Variants in VPS41 observed in about 807,000 individuals in gnomAD.
VPS41 encodes the protein vacuolar protein sorting-associated protein 41 homolog.
A neutral mutation model predicts 130.9 loss-of-function variants in VPS41; 85 were observed. That is an observed-to-expected ratio of 0.65 (90% CI 0.55 to 0.78). The LOEUF (loss-of-function observed/expected upper bound fraction) is 0.78. Among genes scored for constraint, VPS41 ranks in the 30% least tolerant of loss-of-function variants. The pLI is 0.00. For missense variants in VPS41, 874 were observed against 1,018.7 expected, an observed-to-expected ratio of 0.86 and a Z score of 1.93; for synonymous variants, 335 against 332.9, an observed-to-expected ratio of 1.01 and a Z score of -0.07.
rs1786297863 is a variant in VPS41 at position 38,869,384 on chromosome 7, G to A, written c.61-131C>T. On this transcript the variant is annotated intron_variant, in intron 2 of 28. Transcript: ENST00000310301. The stretch of plus-strand genomic sequence containing the variant: ...GTTAATAATTCCAACTACAGCTAAA[G>A]GTTAAAATCTTCATATTTCATCTTG... 5.0e-6 allele frequency: 3 copies of A among 604,254 alleles called. No individual in the cohort carries two copies. The East Asian group carries it at 8.0e-5, about 16-fold the overall frequency. 37.4% of individuals were successfully genotyped at this position (604,254 alleles called of 1,614,324 possible). A position where few individuals can be genotyped will look rare whatever the true frequency, so the allele number is the denominator to read the frequency against.
chr7:38,725,192 T>A lies in VPS41; in HGVS notation c.*1054A>T, dbSNP rs1360354733. 1 of 152,214 alleles carries A rather than the reference T, an allele frequency of 6.6e-6. No homozygotes were observed. Among genetic ancestry groups the A allele is most frequent in the Admixed American group, 6.5e-5 (1 of 15,290 alleles). 9.4% of individuals were successfully genotyped at this position (152,214 alleles called of 1,614,324 possible). ...ACTAAGAGATCAGGAACAATAAGGA[T>A]GTGTTTTGCGCACTTTTACACTCAT... On this transcript the variant is annotated 3_prime_UTR_variant, in exon 29 of 29. Transcript: ENST00000310301.
chr7:38,734,933 T>G (rs1263278236), intron 25 of VPS41, among the ~76,000 whole-genome samples: 1 of 152,188 alleles, frequency 6.6e-6, no homozygotes, highest in Non-Finnish European at 1.5e-5. Context: ...GAATTCTTCT[T>G]GAAAAAGCTT....
chr7:38,820,146 G>A lies in VPS41; in HGVS notation c.384+1057C>T, dbSNP rs559158810. Among the ~76,000 whole-genome samples, 28 of 152,234 alleles carry A rather than the reference G, an allele frequency of 1.8e-4. No individual in the cohort carries two copies. In the South Asian group the frequency reaches 5.4e-3, roughly 29 times the overall value. ...CTCATCCAAGCCATCACTAAGGCTC[G>A]CTAAGTCTATTTAGCACAGGCTGTC... On this transcript the variant is annotated intron_variant, in intron 6 of 28. Coordinates refer to ENST00000310301, the MANE Select transcript of VPS41 (RefSeq NM_014396.4).
In VPS41 at chr7:38,724,362, G is replaced by A. The variant is rs564502525; in HGVS notation, c.*1884C>T. 6.6e-6 allele frequency: 1 copy of A among 152,282 alleles called. No individual in the cohort carries two copies. The highest frequency in any genetic ancestry group is 1.5e-5 in the Non-Finnish European group (1 of 68,030). The allele number at this position is 152,282 out of a possible 1,614,324, so 9.4% of individuals were successfully genotyped here. A position where few individuals can be genotyped will look rare whatever the true frequency, so the allele number is the denominator to read the frequency against. On this transcript the variant is annotated 3_prime_UTR_variant, in exon 29 of 29. Transcript: ENST00000310301. ...GTAATGTTGAAAAGAAAAAACAATT[G>A]GGTAAGAACAAAACTGAAAACTAGC...
chr7:38,796,831 A>T lies in VPS41; in HGVS notation c.484T>A (p.Trp162Arg). 1 of 1,613,992 alleles carries T rather than the reference A, an allele frequency of 6.2e-7. No homozygotes were observed. Among genetic ancestry groups the T allele is most frequent in the Non-Finnish European group, 8.5e-7 (1 of 1,179,866 alleles). ...CCTTCATGCAGAACAGCAGACTTCC[A>T]TCTGTTCATCCAAGACCGTTCAAAC... ...LLFERSWMNR[W>R]KSAVLHEGEG... is the part of the protein sequence containing the mutation. Residue 162 changes from tryptophan to arginine, a missense_variant, in exon 8 of 29, where the codon TGG becomes AGG. Transcript: ENST00000310301.
chr7:38,775,913 T>C (rs929208062), intron 11 of VPS41, among the ~76,000 whole-genome samples: 2 of 152,146 alleles, frequency 1.3e-5, no homozygotes, highest in East Asian at 1.9e-4. Flanking sequence ...TTCTTCTATA[T>C]ACAGCATCCA....
At chr7:38,757,006 T>A in intron 18 of VPS41, 24 bp from the exon 19 acceptor site, 1 of 1,546,574 alleles carries the variant, frequency 6.5e-7, no homozygotes, top group Non-Finnish European at 8.9e-7. Flanking sequence ...TTTTTTACAT[T>A]AATATTCATC....
At chr7:38,741,677 G>A (rs934147941) in intron 25 of VPS41, among the ~76,000 whole-genome samples, 23 of 152,040 alleles carry the variant, frequency 1.5e-4, no homozygotes, top group African/African-American at 2.9e-4. Flanking sequence ...TTTCATACTC[G>A]CCTCGATTCC....
At chr7:38,842,857 T>C (rs557046197) in intron 4 of VPS41, among the ~76,000 whole-genome samples, 3 of 152,298 alleles carry the variant, frequency 2.0e-5, no homozygotes, top group African/African-American at 7.2e-5. Context: ...GCATTCCTGT[T>C]TCAGAACAAT....
intron 22 of VPS41, among the ~76,000 whole-genome samples, chr7:38,751,942 C>A (rs1783683222): frequency 1.3e-5 from 2 of 152,212 alleles, no homozygotes; most frequent in Admixed American, 6.5e-5. Context: ...TTAAGCTGTT[C>A]TTCCAATTAA....
rs371899986 is a variant in VPS41, at chr7:38,723,661, T to G, written c.*2585A>C. 7.4e-6 allele frequency: 1 copy of G among 135,588 alleles called. No individual in the cohort carries two copies. The highest frequency in any genetic ancestry group is 2.9e-5 in the African/African-American group (1 of 34,608). 8.4% of individuals were successfully genotyped at this position (135,588 alleles called of 1,614,324 possible). ...ATCACTTGAACCTGGGAGGCGGAGG[T>G]TGCAGTGAGCCAAGATCATGTCACT... On this transcript the variant is annotated 3_prime_UTR_variant, in exon 29 of 29. Coordinates refer to ENST00000310301, the MANE Select transcript of VPS41 (RefSeq NM_014396.4).
At chr7:38,745,282 C>T (rs984867287) in intron 23 of VPS41, among the ~76,000 whole-genome samples, 2 of 152,136 alleles carry the variant, frequency 1.3e-5, no homozygotes, top group Non-Finnish European at 2.9e-5. Flanking sequence ...AAAAACTTGT[C>T]AACTCATCTA....
intron 11 of VPS41, among the ~76,000 whole-genome samples, chr7:38,774,775 C>G (rs1784226369): frequency 6.6e-6 from 1 of 152,118 alleles, no homozygotes; most frequent in Admixed American, 6.6e-5. Flanking sequence ...CCTGTGAACT[C>G]CCTAAGAGCA....
At chr7:38,821,128 T>C (rs973211806) in intron 6 of VPS41, 75 bp downstream of exon 6, 2 of 1,067,286 alleles carry the variant, frequency 1.9e-6, no homozygotes, top group Non-Finnish European at 1.4e-6. Context: ...GAAGTGGTAA[T>C]GTTCAAATTA....
At position 38,776,642 on chromosome 7, in the gene VPS41, C is replaced by T. The variant is rs377503778; in HGVS notation, c.882+37G>A. On this transcript the variant is annotated intron_variant, in intron 11 of 28. Transcript: ENST00000310301. ...TCTGGGTGTAATGCTAAAAGTGAAC[C>T]CCCACATGCCTTTGTATCTGGGGAG... 5 of 1,184,210 alleles carry T rather than the reference C, an allele frequency of 4.2e-6. No homozygotes were observed. The African/African-American group carries it at 6.0e-5, about 14-fold the overall frequency. The allele number at this position is 1,184,210 out of a possible 1,614,324, so 73.4% of individuals were successfully genotyped here. A position where few individuals can be genotyped will look rare whatever the true frequency, so the allele number is the denominator to read the frequency against.
In VPS41 at chr7:38,820,405, A is replaced by C. The variant is rs888955169; in HGVS notation, c.384+798T>G. ...AATGTTTGAATAAACAGGTGAAAAA[A>C]ATAAATGACCTCTTCCTTCAACAAC... On this transcript the variant is annotated intron_variant, in intron 6 of 28. Transcript: ENST00000310301. 3.3e-5 allele frequency among the ~76,000 whole-genome samples: 5 copies of C among 152,212 alleles called. No individual in the cohort carries two copies. In the South Asian group the frequency reaches 1.0e-3, roughly 32 times the overall value.
chr7:38,765,499 G>T, intron 16 of VPS41, 81 bp downstream of exon 16: 3 of 926,674 alleles, frequency 3.2e-6, no homozygotes, highest in South Asian at 3.3e-5. Context: ...AAAAAGAGCT[G>T]AGTACTATTA....
chr7:38,789,858 C>A lies in VPS41; in HGVS notation c.727G>T (p.Val243Leu). 6.2e-7 allele frequency: 1 copy of A among 1,613,762 alleles called. No homozygotes were observed. Among genetic ancestry groups the A allele is most frequent in the Non-Finnish European group, 8.5e-7 (1 of 1,179,724 alleles). The part of the protein sequence containing the change: ...GWGTSVKVCS[V>L]KERHASEMRD... ...ATTTCACTGGCATGCCGTTCCTTCA[C>A]TGAGCACACCTGGAAAATAAGTTCG... Residue 243 changes from valine (V) to leucine (L), a missense_variant, in exon 10 of 29, where the codon GTG (valine) becomes TTG (leucine). Val to Leu is a conservative substitution (Grantham distance 32). Transcript: ENST00000310301.
chr7:38,798,276 C>T (rs534451446), intron 7 of VPS41, among the ~76,000 whole-genome samples: 1 of 152,046 alleles, frequency 6.6e-6, no homozygotes, highest in Non-Finnish European at 1.5e-5. Context: ...TAAAGACAGG[C>T]AGCTAAAAAC....
Sources: allele counts gnomAD v4.1 joint callset (sites outside exome capture counted in the v4.1 genomes callset), GRCh38; gene constraint gnomAD v4.1.1; transcripts MANE v1.5; gene names NCBI Gene and HGNC (gene_info 2026-07-23, HGNC 2026-07-21).